The following INPP5A variants were observed in gnomAD, a reference collection of about 807,000 sequenced individuals.
INPP5A encodes inositol polyphosphate-5-phosphatase A, also known as 43 kDa inositol polyphosphate 5-phophatase.
In INPP5A, 14 loss-of-function variants were observed where a neutral mutation model predicts 65.2. The ratio of observed to expected loss-of-function variants is 0.21; its 90% confidence interval spans 0.14 to 0.34. INPP5A has a LOEUF of 0.34. INPP5A is among the 10% of genes least tolerant of loss of function. The pLI is 1.00. For missense variants in INPP5A, 431 were observed against 545.6 expected (o/e 0.79, Z 2.09); for synonymous variants, 207 against 208.3 (o/e 0.99, Z 0.05).
At chr10:132,592,570 C>A (rs1048143706) in intron 1 of INPP5A, among the ~76,000 whole-genome samples, 9 of 152,268 alleles carry the variant, frequency 5.9e-5, no homozygotes, top group African/African-American at 2.2e-4. Context: ...CGGGCGCCAC[C>A]ACACCCAGCT....
intron 8 of INPP5A, among the ~76,000 whole-genome samples, chr10:132,717,212 A>G (rs1845755517): frequency 6.6e-6 from 1 of 152,184 alleles, no homozygotes; most frequent in Non-Finnish European, 1.5e-5. Context: ...CTCTTTTACA[A>G]GGACACCCTT....
intron 9 of INPP5A, among the ~76,000 whole-genome samples, chr10:132,743,346 G>A (rs1055921037): frequency 4.4e-5 from 6 of 137,768 alleles, no homozygotes; most frequent in Admixed American, 4.3e-4. Flanking sequence ...GACCGGGCCC[G>A]GGAGTGAGGG....
chr10:132,579,220 T>G (rs1590843848), intron 1 of INPP5A, among the ~76,000 whole-genome samples: 1 of 139,924 alleles, frequency 7.1e-6, no homozygotes, highest in African/African-American at 2.7e-5. Flanking sequence ...TGGGGGGAGG[T>G]GGAGCCTGTG....
chr10:132,646,736 C>T (rs941897816), intron 3 of INPP5A, among the ~76,000 whole-genome samples: 3 of 152,196 alleles, frequency 2.0e-5, no homozygotes, highest in African/African-American at 4.8e-5. Context: ...CCCCCAACAT[C>T]GCAGAGCTTC....
intron 10 of INPP5A, 28 bp from the exon 11 acceptor site, chr10:132,749,743 G>A (rs753848782): frequency 2.8e-5 from 45 of 1,610,274 alleles, no homozygotes; most frequent in South Asian, 5.5e-5. Flanking sequence ...GGGAGCTCAG[G>A]TGCTCATGGG....
rs892200665 is a variant in INPP5A, at chr10:132,546,114, C to T, written c.75+7943C>T. On this transcript the variant is annotated intron_variant, in intron 1 of 15. Coordinates refer to ENST00000368594, the MANE Select transcript of INPP5A (RefSeq NM_005539.5). The surrounding 1 kb of genome is among the most constrained non-coding windows in gnomAD (Gnocchi z 5.7). ...GAGCCTGCAGCCCTTGGCCGTGTCA[C>T]GCCATGTGCTCATGTGACCGAGGAC... 1.3e-5 allele frequency among the ~76,000 whole-genome samples: 2 copies of T among 152,178 alleles called. No homozygotes were observed. Among genetic ancestry groups the T allele is most frequent in the African/African-American group, 4.8e-5 (2 of 41,432 alleles).
chr10:132,591,999 A>G (rs572190671), intron 1 of INPP5A, among the ~76,000 whole-genome samples: 2 of 152,282 alleles, frequency 1.3e-5, no homozygotes, highest in African/African-American at 4.8e-5. Context: ...CTCATGTGGT[A>G]TTCAGCGTGG....
At chr10:132,729,948 G>T (rs1195971287) in intron 9 of INPP5A, among the ~76,000 whole-genome samples, 1 of 152,202 alleles carries the variant, frequency 6.6e-6, no homozygotes, top group Non-Finnish European at 1.5e-5. Flanking sequence ...CGAGCGGCTG[G>T]TGGAGCACTC....
chr10:132,708,623 C>T (rs574559063), intron 7 of INPP5A: 31 of 581,432 alleles, frequency 5.3e-5, no homozygotes, highest in Non-Finnish European at 8.5e-5. Context: ...AGTCCCTCCC[C>T]GCAGCTGGAG....
chr10:132,742,596 A>C (rs927578845), intron 9 of INPP5A, among the ~76,000 whole-genome samples: 1 of 152,174 alleles, frequency 6.6e-6, no homozygotes, highest in Non-Finnish European at 1.5e-5. Context: ...TTGCTGTTTT[A>C]GTCATTGCTG....
At chr10:132,588,871 G>A (rs1350626978) in intron 1 of INPP5A, among the ~76,000 whole-genome samples, 1 of 148,814 alleles carries the variant, frequency 6.7e-6, no homozygotes, top group African/African-American at 2.5e-5. Flanking sequence ...CGTTCTGTGT[G>A]TGTTGTCATG....
chr10:132,690,055 C>T (rs921581645), intron 4 of INPP5A, among the ~76,000 whole-genome samples: 3 of 152,186 alleles, frequency 2.0e-5, no homozygotes, highest in Non-Finnish European at 4.4e-5. Flanking sequence ...CACTCAATGC[C>T]CAGCCCGCGG....
At chr10:132,688,577 CA>C (rs1845181976) in intron 4 of INPP5A, among the ~76,000 whole-genome samples, 1 of 152,194 alleles carries the variant, frequency 6.6e-6, no homozygotes, top group Non-Finnish European at 1.5e-5. Flanking sequence ...CTGCCCAAAA[CA>C]AAGCAAGAGT....
At chr10:132,544,142 C>A (rs1032723659) in intron 1 of INPP5A, among the ~76,000 whole-genome samples, 1 of 152,266 alleles carries the variant, frequency 6.6e-6, no homozygotes, top group African/African-American at 2.4e-5. Flanking sequence ...GCTGGCCACC[C>A]TTCTCCCTTC....
intron 1 of INPP5A, among the ~76,000 whole-genome samples, chr10:132,539,010 A>T (rs532416776): frequency 1.3e-5 from 2 of 151,932 alleles, no homozygotes; most frequent in South Asian, 4.2e-4. Context: ...CCCAAACCCA[A>T]TTCTGGACCC....
At chr10:132,711,522 C>G (rs1299220631) in intron 8 of INPP5A, among the ~76,000 whole-genome samples, 2 of 152,200 alleles carry the variant, frequency 1.3e-5, no homozygotes. Context: ...GGGGTGGTCC[C>G]TGATTTCCAC....
chr10:132,744,098 GACA>G (rs1846325777), intron 9 of INPP5A, among the ~76,000 whole-genome samples: 1 of 152,266 alleles, frequency 6.6e-6, no homozygotes, highest in Non-Finnish European at 1.5e-5. Context: ...CAAGCTGCCA[GACA>G]CCACCAGGGA....
At chr10:132,568,855 A>G (rs2071303856) in intron 1 of INPP5A, among the ~76,000 whole-genome samples, 1 of 152,178 alleles carries the variant, frequency 6.6e-6, no homozygotes, top group South Asian at 2.1e-4. Context: ...ATGTAAGTTT[A>G]CTACATATAT....
intron 11 of INPP5A, among the ~76,000 whole-genome samples, chr10:132,751,675 A>G (rs1290949117): frequency 4.2e-3 from 281 of 67,504 alleles, no homozygotes; most frequent in Middle Eastern, 0.035. Flanking sequence ...CGTGGAGGCG[A>G]GTGCCCAGGA....
Sources: gnomAD v4.1 joint callset for allele counts (sites outside exome capture counted in the v4.1 genomes callset) on GRCh38, gnomAD v4.1.1 for gene constraint, Gnocchi (gnomAD v3.1) non-coding constraint, MANE v1.5 for transcripts, NCBI Gene and HGNC (gene_info 2026-07-23, HGNC 2026-07-21) for gene names.